Variants in COQ8A observed in about 807,000 individuals in gnomAD.
COQ8A encodes the protein atypical kinase COQ8A, mitochondrial.
Under a neutral mutation model 65.0 loss-of-function variants are expected in COQ8A, and 51 were observed. The observed-to-expected ratio is 0.78, with a 90% CI of 0.63 to 0.99. The LOEUF is 0.99. Ranked by LOEUF, COQ8A falls within the 50% of genes least tolerant of loss-of-function variation. The pLI, the probability that COQ8A is intolerant of heterozygous loss-of-function variation, is 0.00. For synonymous variants in COQ8A, 371 were observed against 353.2 expected, an observed-to-expected ratio of 1.05 and a Z score of -0.57; for missense variants, 940 against 875.0, an observed-to-expected ratio of 1.07 and a Z score of -0.94.
chr1:226,984,642 C>T lies in COQ8A; in HGVS notation c.1493C>T (p.Pro498Leu), dbSNP rs1659961832. The change falls in exon 12 of 15, where the codon CCC (proline) becomes CTC (leucine). Residue 498 changes from proline (P) to leucine (L), a missense_variant. By Grantham distance (98) the Pro-to-Leu change is moderately conservative. Coordinates refer to ENST00000366777, the MANE Select transcript of COQ8A (RefSeq NM_020247.5). The part of the protein sequence containing the change: ...DPNWSNFFYD[P>L]QQHKVALLDF... Reference sequence around the variant, plus strand: ...AACTGGTCCAACTTCTTCTATGACCCCCAGCAGCACAAGGTGAGCCCCAGG... The same window carrying T: ...AACTGGTCCAACTTCTTCTATGACCTCCAGCAGCACAAGGTGAGCCCCAGG... 5.6e-6 allele frequency: 9 copies of T among 1,613,920 alleles called. No individual in the cohort carries two copies. The highest frequency in any genetic ancestry group is 5.0e-5 in the Admixed American group (3 of 60,012).
intron 5 of COQ8A, among the ~76,000 whole-genome samples, chr1:226,978,717 CA>C (rs1474239746): frequency 1.2e-5 from 1 of 86,062 alleles, no homozygotes; most frequent in East Asian, 2.5e-4. Context: ...ACATCTTCCA[CA>C]CACCCACCTC....
rs1558204966 is a variant in COQ8A, at chr1:226,982,027, GGAA to G, written c.736_738del (p.Lys246del). ...GGTGACCCCTCTTGCCCGCCCACAG[GGAA>G]GAAGGCCGTGCTGGGTTCCAGTCCT... On this transcript the variant is annotated inframe_deletion and splice_region_variant, in exon 6 of 15. Transcript: ENST00000366777. 9.9e-6 allele frequency: 16 copies of G among 1,612,908 alleles called. No homozygotes were observed. The highest frequency in any genetic ancestry group is 1.3e-5 in the Non-Finnish European group (15 of 1,179,996).
At chr1:226,957,086 C>T (rs1389847874) in intron 1 of COQ8A, among the ~76,000 whole-genome samples, 1 of 148,214 alleles carries the variant, frequency 6.7e-6, no homozygotes, top group Non-Finnish European at 1.5e-5. Flanking sequence ...GCTGCCACTC[C>T]CTGGTTCACA....
At chr1:226,951,317 G>A (rs968679645) in intron 1 of COQ8A, among the ~76,000 whole-genome samples, 3 of 152,222 alleles carry the variant, frequency 2.0e-5, no homozygotes, top group African/African-American at 7.2e-5. Context: ...ACGTGGAGGG[G>A]AATGCGGGTG....
At position 226,984,896 on chromosome 1, in the gene COQ8A, G is replaced by C; in HGVS notation, c.1527G>C (p.Gly509=). 1 of 1,614,144 alleles carries C rather than the reference G, an allele frequency of 6.2e-7. No homozygotes were observed. The change falls in exon 13 of 15, where the codon GGG becomes GGC. Residue 509 remains glycine, a synonymous_variant. Transcript: ENST00000366777. ...QQHKVALLDF[G]ATREYDRSFT... The stretch of plus-strand genomic sequence containing the variant: ...CCCAGGTGGCTCTTTTGGATTTTGG[G>C]GCAACGCGGGAATATGACAGATCCT...
chr1:226,955,874 ACACTCTCCCTGGCTGC>A (rs1414889880), intron 1 of COQ8A, among the ~76,000 whole-genome samples: 5 of 58,812 alleles, frequency 8.5e-5, no homozygotes, highest in South Asian at 1.2e-3. Context: ...TCCCTGGTTC[ACACTCTCCCTGGCTGC>A]CACTCTCCCT....
rs191100364 is a variant in COQ8A, at chr1:226,969,472, A to G, written c.655+3735A>G. Among the ~76,000 whole-genome samples the G allele has an allele frequency of 6.5e-3, 988 of 152,112 alleles. 24 individuals are homozygous for G. The highest frequency in any genetic ancestry group is 0.04 in the Admixed American group (617 of 15,284). On this transcript the variant is annotated intron_variant, in intron 4 of 14. Coordinates refer to ENST00000366777, the MANE Select transcript of COQ8A (RefSeq NM_020247.5). ...TGATAAGTCTCGATCTCCTGACCTCATGATCCGCCCGCCTCGGCCTCCTAA... is the reference window on the plus strand; with the variant it reads ...TGATAAGTCTCGATCTCCTGACCTCGTGATCCGCCCGCCTCGGCCTCCTAA...
At position 226,984,557 on chromosome 1, in the gene COQ8A, A is replaced by G. The variant is rs760617836; in HGVS notation, c.1408A>G (p.Asn470Asp). The change falls in exon 12 of 15, where the codon AAC becomes GAC. Residue 470 changes from asparagine to aspartate, a missense_variant. Transcript: ENST00000366777. ...SQEIRNEICY[N>D]ILVLCLRELF... ...TTCGCGCTGTCCACAGATCTGCTAC[A>G]ACATCCTGGTTCTGTGCCTGAGGGA... The G allele has an allele frequency of 3.7e-6, 6 of 1,613,760 alleles. No individual in the cohort carries two copies. In the East Asian group the frequency reaches 1.1e-4, roughly 30 times the overall value.
At chr1:226,969,759 G>T (rs1186366795) in intron 4 of COQ8A, among the ~76,000 whole-genome samples, 2 of 151,858 alleles carry the variant, frequency 1.3e-5, no homozygotes, top group Non-Finnish European at 2.9e-5. Context: ...TATATAGTTG[G>T]TTTTTTGTGT....
At chr1:226,960,418 T>C (rs1658144555) in intron 1 of COQ8A, among the ~76,000 whole-genome samples, 2 of 148,566 alleles carry the variant, frequency 1.3e-5, no homozygotes, top group South Asian at 2.2e-4. Context: ...GTGGCGGTGG[T>C]ACTTGGTGGT....
At position 226,972,194 on chromosome 1, in the gene COQ8A, T is replaced by G. The variant is rs1658948188; in HGVS notation, c.656-5255T>G. 6.6e-6 allele frequency among the ~76,000 whole-genome samples: 1 copy of G among 152,164 alleles called. No homozygotes were observed. The highest frequency in any genetic ancestry group is 1.5e-5 in the Non-Finnish European group (1 of 68,036). On this transcript the variant is annotated intron_variant, in intron 4 of 14. Coordinates refer to ENST00000366777, the MANE Select transcript of COQ8A (RefSeq NM_020247.5). This position sits in a 1 kb window ranked among gnomAD's most constrained non-coding sequence, Gnocchi z 4.3. The stretch of plus-strand genomic sequence containing the variant: ...AAGGAGTTGAGCACTGCTTTGTGCA[T>G]AGCTCTGTGGTGGTTCCTGGGGCCT...
chr1:226,940,529 C>G (rs979737845), intron 1 of COQ8A, 130 bp downstream of exon 1: 1 of 152,482 alleles, frequency 6.6e-6, no homozygotes, highest in African/African-American at 2.4e-5. Flanking sequence ...CCGCGAGTTT[C>G]GCTGGCCGCG....
At chr1:226,971,236 C>T (rs950234167) in intron 4 of COQ8A, among the ~76,000 whole-genome samples, 1 of 151,938 alleles carries the variant, frequency 6.6e-6, no homozygotes, top group Non-Finnish European at 1.5e-5. Flanking sequence ...CCACCACACC[C>T]GACCTAGTTT....
At chr1:226,952,147 G>A (rs1054096818) in intron 1 of COQ8A, among the ~76,000 whole-genome samples, 10 of 152,120 alleles carry the variant, frequency 6.6e-5, no homozygotes, top group Non-Finnish European at 8.8e-5. Context: ...TTTCCCCACT[G>A]TCCCGAGAAG....
Position 226,982,991 on chromosome 1 carries a change from T to A in COQ8A, c.1037T>A (p.Leu346Ter). 1 of 1,600,266 alleles carries A rather than the reference T, an allele frequency of 6.2e-7. No homozygotes were observed. The highest frequency in any genetic ancestry group is 8.5e-7 in the Non-Finnish European group (1 of 1,174,148). The part of the protein sequence containing the change: ...FAAASIGQVH[L>*]ARMKGGREVA... ...GCCGCATCCATTGGGCAGGTGCACTTGGCCCGAATGAAGGGCGGCCGCGAG... is the reference window on the plus strand; with the variant it reads ...GCCGCATCCATTGGGCAGGTGCACTAGGCCCGAATGAAGGGCGGCCGCGAG... The change falls in exon 8 of 15, where the codon TTG becomes TAG. Residue 346 changes from leucine to a stop codon, truncating the protein, a stop_gained. Transcript: ENST00000366777. LOFTEE classifies it high-confidence loss of function.
intron 2 of COQ8A, among the ~76,000 whole-genome samples, chr1:226,962,342 T>C (rs1326873889): frequency 1.3e-5 from 2 of 152,150 alleles, no homozygotes; most frequent in Non-Finnish European, 2.9e-5. Context: ...CAGGAAGCCT[T>C]GATGTCTTAC....
chr1:226,978,468 C>A (rs1659429541), intron 5 of COQ8A, among the ~76,000 whole-genome samples: 1 of 149,334 alleles, frequency 6.7e-6, no homozygotes, highest in African/African-American at 2.5e-5. Flanking sequence ...CCTCCACACC[C>A]ACCAAATACC....
intron 5 of COQ8A, among the ~76,000 whole-genome samples, chr1:226,980,265 C>A (rs1448560642): frequency 6.6e-6 from 1 of 152,260 alleles, no homozygotes; most frequent in African/African-American, 2.4e-5. Context: ...TCACAGCCAG[C>A]CCTGCCTGGG....
chr1:226,985,186 G>A (rs1196036651), intron 13 of COQ8A, 68 bp from the exon 14 acceptor site: 1 of 1,547,552 alleles, frequency 6.5e-7, no homozygotes, highest in African/African-American at 1.4e-5. Flanking sequence ...TGTGGCACTT[G>A]GCTCCCTGGG....
Sources: gnomAD v4.1 joint callset for allele counts (sites outside exome capture counted in the v4.1 genomes callset) on GRCh38, gnomAD v4.1.1 for gene constraint, Gnocchi (gnomAD v3.1) non-coding constraint, MANE v1.5 for transcripts, NCBI Gene and HGNC (gene_info 2026-07-23, HGNC 2026-07-21) for gene names.